Variants in SCEL observed in about 807,000 individuals in gnomAD.
The protein encoded by SCEL is sciellin.
In SCEL, 113 loss-of-function variants were observed where a neutral mutation model predicts 117.6. The ratio of observed to expected loss-of-function variants is 0.96; its 90% CI spans 0.83 to 1.12. The LOEUF (loss-of-function observed/expected upper bound fraction) is 1.12, where lower values mean the gene tolerates loss of function less well. Among genes scored for constraint, SCEL ranks in the 50% most tolerant of loss-of-function variants. The probability of loss-of-function intolerance (pLI) is 0.00; values close to 1 mark genes in which losing one functional copy is unlikely to be tolerated. For synonymous variants in SCEL, 270 were observed against 256.2 expected (o/e 1.05, Z -0.51); for missense variants, 785 against 810.8 (o/e 0.97, Z 0.39).
At chr13:77,563,935 A>T in intron 5 of SCEL, 36 bp downstream of exon 5, 1 of 1,314,826 alleles carries the variant, frequency 7.6e-7, no homozygotes, top group Non-Finnish European at 1.0e-6. Context: ...TGGAATGCAT[A>T]ACATATTAAA....
At chr13:77,582,364 C>G (rs574558949) in intron 9 of SCEL, among the ~76,000 whole-genome samples, 53 of 152,112 alleles carry the variant, frequency 3.5e-4, no homozygotes, top group Middle Eastern at 6.8e-3. Context: ...GTAGCTGGGA[C>G]TACAGGTGCG....
At chr13:77,566,444 C>T (rs1230786572) in intron 5 of SCEL, among the ~76,000 whole-genome samples, 2 of 152,106 alleles carry the variant, frequency 1.3e-5, no homozygotes, top group Non-Finnish European at 2.9e-5. Context: ...TTATGAGATC[C>T]CACCGTTGGC....
chr13:77,567,746 T>C lies in SCEL; in HGVS notation c.357T>C (p.Asn119=), dbSNP rs2085368553. 6.3e-7 allele frequency: 1 copy of C among 1,585,818 alleles called. No homozygotes were observed. Among genetic ancestry groups the C allele is most frequent in the Non-Finnish European group, 8.6e-7 (1 of 1,159,264 alleles). ...ATACCTTGGATAACCAACTAACCAA[T>C]AGGTACCAGTATCTACTAACTATGG... ...KANTLDNQLT[N]RSMSMFRSLE... is the part of the protein sequence containing the mutation. Residue 119 remains asparagine, a splice_region_variant and synonymous_variant, in exon 6 of 33, where the codon AAT becomes AAC. Coordinates refer to ENST00000349847, the MANE Select transcript of SCEL (RefSeq NM_144777.3).
intron 1 of SCEL, among the ~76,000 whole-genome samples, chr13:77,543,037 T>A (rs1292132547): frequency 1.3e-5 from 2 of 151,986 alleles, no homozygotes; most frequent in Non-Finnish European, 2.9e-5. Flanking sequence ...CCCTGTGTCA[T>A]TTTCTAGACC....
At chr13:77,604,535 T>C (rs2087977198) in intron 19 of SCEL, 120 bp downstream of exon 19, 1 of 712,926 alleles carries the variant, frequency 1.4e-6, no homozygotes, top group Non-Finnish European at 2.2e-6. Flanking sequence ...TGAGCTCTTT[T>C]TTCTCTAAAC....
intron 28 of SCEL, among the ~76,000 whole-genome samples, 166 bp downstream of exon 28, chr13:77,628,175 T>TATAC (rs1198145897): frequency 2.3e-4 from 33 of 141,402 alleles, no homozygotes; most frequent in African/African-American, 7.3e-4. Context: ...TGTGTGTATA[T>TATAC]ATATATATAT....
intron 29 of SCEL, among the ~76,000 whole-genome samples, chr13:77,634,918 T>C (rs2090202217): frequency 6.6e-6 from 1 of 152,188 alleles, no homozygotes; most frequent in African/African-American, 2.4e-5. Flanking sequence ...ATCTGCTGCT[T>C]GGAGTGATGG....
intron 27 of SCEL, among the ~76,000 whole-genome samples, chr13:77,621,405 T>C (rs2089411519): frequency 6.6e-6 from 1 of 152,188 alleles, no homozygotes; most frequent in Non-Finnish European, 1.5e-5. Flanking sequence ...TCGCGATTGC[T>C]TGGCTAACTT....
chr13:77,560,009 A>C, intron 4 of SCEL, 146 bp downstream of exon 4: 1 of 721,546 alleles, frequency 1.4e-6, no homozygotes, highest in Non-Finnish European at 2.4e-6. Flanking sequence ...CTGTGATATC[A>C]TCAGAGGTTT....
chr13:77,602,380 G>A, intron 16 of SCEL: 1 of 483,790 alleles, frequency 2.1e-6, no homozygotes, highest in Non-Finnish European at 3.6e-6. Flanking sequence ...TAAGAGATGA[G>A]TCAAATTTTA....
intron 31 of SCEL, among the ~76,000 whole-genome samples, chr13:77,641,351 T>A (rs1389736600): frequency 2.0e-5 from 3 of 152,176 alleles, no homozygotes. Flanking sequence ...TAACATTGGG[T>A]GGATCAACAT....
intron 9 of SCEL, among the ~76,000 whole-genome samples, chr13:77,574,849 G>A (rs2085845534): frequency 1.3e-5 from 2 of 151,934 alleles, no homozygotes; most frequent in South Asian, 4.2e-4. Context: ...TAATACACTG[G>A]TATTCATCTC....
chr13:77,588,478 G>A (rs552923969), intron 9 of SCEL, among the ~76,000 whole-genome samples: 24 of 152,086 alleles, frequency 1.6e-4, no homozygotes, highest in Non-Finnish European at 3.2e-4. Context: ...ACAGGGGAGT[G>A]ACATACTCTT....
chr13:77,637,251 C>CACATATAT, intron 30 of SCEL, 57 bp downstream of exon 30: 1 of 412,098 alleles, frequency 2.4e-6, no homozygotes, highest in South Asian at 3.7e-5. Flanking sequence ...CACACACACA[C>CACATATAT]ATATATATAT....
chr13:77,575,127 A>G (rs1324221033), intron 9 of SCEL, among the ~76,000 whole-genome samples: 1 of 152,062 alleles, frequency 6.6e-6, no homozygotes, highest in Non-Finnish European at 1.5e-5. Flanking sequence ...CCCATCTCTC[A>G]TTTGTCCCTT....
chr13:77,587,045 T>TA (rs1259705699), intron 9 of SCEL, among the ~76,000 whole-genome samples: 1 of 151,934 alleles, frequency 6.6e-6, no homozygotes, highest in Non-Finnish European at 1.5e-5. Flanking sequence ...ACTCTTCTGC[T>TA]TGCCTAGAAA....
At chr13:77,568,451 T>C in intron 7 of SCEL, 118 bp downstream of exon 7, 1 of 618,168 alleles carries the variant, frequency 1.6e-6, no homozygotes, top group East Asian at 3.1e-5. Context: ...TCTGGCAGAG[T>C]TGAGTAGTAG....
chr13:77,605,745 G>A (rs1178043387), intron 19 of SCEL, among the ~76,000 whole-genome samples: 4 of 152,138 alleles, frequency 2.6e-5, no homozygotes, highest in Admixed American at 1.3e-4. Context: ...AGTGGCTCAA[G>A]CCTGTAATCC....
intron 4 of SCEL, among the ~76,000 whole-genome samples, chr13:77,561,116 C>T (rs1212437097): frequency 6.6e-6 from 1 of 152,186 alleles, no homozygotes; most frequent in African/African-American, 2.4e-5. Flanking sequence ...TTTTGAAGAT[C>T]ACAGCCTGGT....
Sources: allele counts gnomAD v4.1 joint callset (sites outside exome capture counted in the v4.1 genomes callset), GRCh38; gene constraint gnomAD v4.1.1; transcripts MANE v1.5; gene names NCBI Gene and HGNC (gene_info 2026-07-23, HGNC 2026-07-21).